SELENOI: variants seen among roughly 807,000 people sequenced by gnomAD.
The protein encoded by SELENOI is ethanolaminephosphotransferase 1.
Under a neutral mutation model 50.7 loss-of-function variants are expected in SELENOI, and 24 were observed. The observed-to-expected ratio is 0.47, with a 90% CI of 0.34 to 0.67. The LOEUF (loss-of-function observed/expected upper bound fraction) is 0.67. Among genes scored for constraint, SELENOI ranks in the 30% least tolerant of loss-of-function variants. The probability of loss-of-function intolerance (pLI) is 0.01; values close to 1 mark genes in which losing one functional copy is unlikely to be tolerated. For synonymous variants in SELENOI, 155 were observed against 170.2 expected, an observed-to-expected ratio of 0.91 and a Z score of 0.70; for missense variants, 352 against 461.4, an observed-to-expected ratio of 0.76 and a Z score of 2.17.
intron 9 of SELENOI, 128 bp from the exon 10 acceptor site, chr2:26,388,877 C>A: frequency 1.4e-6 from 1 of 709,180 alleles, no homozygotes; most frequent in South Asian, 1.8e-5. Context: ...TCCAGAAAAA[C>A]CTTTTCAGTA....
intron 6 of SELENOI, 43 bp downstream of exon 6, chr2:26,375,191 T>A: frequency 7.7e-7 from 1 of 1,302,028 alleles, no homozygotes; most frequent in Non-Finnish European, 1.1e-6. Flanking sequence ...CATCACTTTG[T>A]TATCAAAAGA....
At chr2:26,373,715 CTT>C in intron 5 of SELENOI, 86 bp downstream of exon 5, 1 of 1,383,116 alleles carries the variant, frequency 7.2e-7, no homozygotes, top group Non-Finnish European at 9.8e-7. Context: ...TGCTCTTAGG[CTT>C]TTTTGATTAG....
At position 26,346,183 on chromosome 2, in the gene SELENOI, C is replaced by T. The variant is rs1448171887; in HGVS notation, c.-50C>T. 6 of 1,612,692 alleles carry T rather than the reference C, an allele frequency of 3.7e-6. No homozygotes were observed. The highest frequency in any genetic ancestry group is 1.3e-5 in the African/African-American group (1 of 74,902). ...CCGGTGTGGTGCTTGTGTGTCACAG[C>T]CTTGTAGCCGGGAGTCGCTGCCGAG... On this transcript the variant is annotated 5_prime_UTR_variant, in exon 1 of 10. Transcript: ENST00000260585.
intron 3 of SELENOI, among the ~76,000 whole-genome samples, chr2:26,366,306 T>C (rs1237177258): frequency 4.6e-5 from 7 of 152,094 alleles, no homozygotes; most frequent in Non-Finnish European, 1.0e-4. Context: ...GTATTGTGGG[T>C]TTTTAAAAAT....
intron 1 of SELENOI, among the ~76,000 whole-genome samples, chr2:26,362,444 C>T (rs1677197704): frequency 6.6e-6 from 1 of 152,122 alleles, no homozygotes; most frequent in Non-Finnish European, 1.5e-5. Context: ...ATTTTGTATA[C>T]ATACTGAACA....
chr2:26,370,063 A>G (rs1677377537), intron 4 of SELENOI, among the ~76,000 whole-genome samples: 1 of 150,638 alleles, frequency 6.6e-6, no homozygotes, highest in African/African-American at 2.5e-5. Flanking sequence ...GATGACTCTT[A>G]ATGAGCATGC....
At chr2:26,388,830 AC>A (rs1480667006) in intron 9 of SELENOI, among the ~76,000 whole-genome samples, 174 bp from the exon 10 acceptor site, 1 of 152,206 alleles carries the variant, frequency 6.6e-6, no homozygotes, top group Non-Finnish European at 1.5e-5. Context: ...TAGTTCTAGT[AC>A]TTCCATTTAG....
At chr2:26,362,214 C>T (rs1396069084) in intron 1 of SELENOI, among the ~76,000 whole-genome samples, 2 of 151,942 alleles carry the variant, frequency 1.3e-5, no homozygotes, top group African/African-American at 4.8e-5. Flanking sequence ...GGAGTACAGG[C>T]ACCTGCCACC....
In SELENOI at chr2:26,395,675, G is replaced by A. The variant is rs7092; in HGVS notation, c.*6572G>A. ...TTGTTTTTGCATTATCTGTATCAGT[G>A]TTTCCCATTGCTAGCCCGAATAATC... On this transcript the variant is annotated 3_prime_UTR_variant, in exon 10 of 10. Coordinates refer to ENST00000260585, the MANE Select transcript of SELENOI (RefSeq NM_033505.4). 60,885 of 152,504 alleles carry A rather than the reference G, an allele frequency of 0.4. 13,685 individuals are homozygous for A. Among genetic ancestry groups the A allele is most frequent in the Non-Finnish European group, 0.51 (34,871 of 67,984 alleles). The allele number at this position is 152,504 out of a possible 1,614,324, so 9.4% of individuals were successfully genotyped here. A position where few individuals can be genotyped will look rare whatever the true frequency, so the allele number is the denominator to read the frequency against.
chr2:26,375,126 C>A lies in SELENOI; in HGVS notation c.660C>A (p.Asp220Glu). 6.2e-7 allele frequency: 1 copy of A among 1,608,596 alleles called. No homozygotes were observed. Among genetic ancestry groups the A allele is most frequent in the Non-Finnish European group, 8.5e-7 (1 of 1,175,630 alleles). Residue 220 changes from aspartate (D) to glutamate (E), a missense_variant, in exon 6 of 10, where the codon GAC becomes GAA. Transcript: ENST00000260585. ...EPFLFNFLYR[D>E]LFTAMIIGCA... ...TCCTGTTTAATTTCTTATATAGAGACCTATTCACTGCAATGATTATTGGTA... is the reference window on the plus strand; with the variant it reads ...TCCTGTTTAATTTCTTATATAGAGAACTATTCACTGCAATGATTATTGGTA...
chr2:26,359,284 G>C (rs1277211352), intron 1 of SELENOI, among the ~76,000 whole-genome samples: 2 of 152,166 alleles, frequency 1.3e-5, no homozygotes, highest in East Asian at 3.8e-4. Flanking sequence ...TATAGGAACA[G>C]ATGATGAAAA....
At chr2:26,357,669 T>C (rs1468860727) in intron 1 of SELENOI, among the ~76,000 whole-genome samples, 7 of 152,332 alleles carry the variant, frequency 4.6e-5, no homozygotes, top group East Asian at 1.9e-4. Flanking sequence ...TATGGCCTTC[T>C]TCCCTGTGTT....
chr2:26,374,081 AT>A (rs1293872066), intron 5 of SELENOI, among the ~76,000 whole-genome samples: 1 of 152,178 alleles, frequency 6.6e-6, no homozygotes, highest in Middle Eastern at 3.2e-3. Context: ...GAAATTTCTG[AT>A]ATTATATGAT....
rs1678029713 is a variant in SELENOI, at chr2:26,393,969, A to G, written c.*4866A>G. ...ATATATACAATTTGCCATAAATTCT[A>G]GATTCTGATATTCTTGACAAGCACT... On this transcript the variant is annotated 3_prime_UTR_variant, in exon 10 of 10. Coordinates refer to ENST00000260585, the MANE Select transcript of SELENOI (RefSeq NM_033505.4). The G allele has an allele frequency of 6.6e-6, 1 of 152,350 alleles. No homozygotes were observed. Among genetic ancestry groups the G allele is most frequent in the Middle Eastern group, 3.4e-3 (1 of 294 alleles). The allele number at this position is 152,350 out of a possible 1,614,324, so 9.4% of individuals were successfully genotyped here. A position where few individuals can be genotyped will look rare whatever the true frequency, so the allele number is the denominator to read the frequency against.
At chr2:26,351,961 G>GA (rs920867761) in intron 1 of SELENOI, among the ~76,000 whole-genome samples, 2 of 152,140 alleles carry the variant, frequency 1.3e-5, no homozygotes, top group Admixed American at 1.3e-4. Flanking sequence ...GGACAATATG[G>GA]TGAAACCCAG....
At position 26,374,575 on chromosome 2, in the gene SELENOI, T is replaced by TC. The variant is rs563098613; in HGVS notation, c.574-465_574-464insC. 1.3e-3 allele frequency among the ~76,000 whole-genome samples: 194 copies of TC among 151,858 alleles called. No individual in the cohort carries two copies. In the South Asian group the frequency reaches 0.021, roughly 17 times the overall value. Reference sequence around the variant, plus strand: ...TTGGCTAAAAGATTGTATTTTTTTTTTTTTTTTTTTGAGACAGAATTTCGC... The same window carrying TC: ...TTGGCTAAAAGATTGTATTTTTTTTTCTTTTTTTTTTGAGACAGAATTTCGC... On this transcript the variant is annotated intron_variant, in intron 5 of 9. Transcript: ENST00000260585.
At chr2:26,383,271 A>C (rs1242915301) in intron 6 of SELENOI, 28 bp from the exon 7 acceptor site, 4 of 1,487,126 alleles carry the variant, frequency 2.7e-6, no homozygotes, top group Non-Finnish European at 3.6e-6. Context: ...TTGAATAAGC[A>C]TAATAATTGA....
chr2:26,368,602 T>A (rs1321789694), intron 4 of SELENOI, among the ~76,000 whole-genome samples: 1 of 152,204 alleles, frequency 6.6e-6, no homozygotes, highest in Non-Finnish European at 1.5e-5. Flanking sequence ...AGGATGCTGC[T>A]CTATGTCCTA....
intron 3 of SELENOI, among the ~76,000 whole-genome samples, chr2:26,365,795 C>CTTTTTTTTTT (rs55900237): frequency 9.2e-6 from 1 of 108,410 alleles, no homozygotes; most frequent in East Asian, 2.4e-4. Flanking sequence ...ACACTTAAGA[C>CTTTTTTTTTT]TTTTTTTTTT....
Sources: allele counts gnomAD v4.1 joint callset (sites outside exome capture counted in the v4.1 genomes callset), GRCh38; gene constraint gnomAD v4.1.1; transcripts MANE v1.5; gene names NCBI Gene and HGNC (gene_info 2026-07-23, HGNC 2026-07-21).